Variants in RBFOX1 observed in about 807,000 individuals in gnomAD.
RBFOX1 encodes RNA binding protein fox-1 homolog 1.
A neutral mutation model predicts 57.7 loss-of-function variants in RBFOX1; 8 were observed. The ratio of observed to expected loss-of-function variants is 0.14; its 90% confidence interval spans 0.08 to 0.25. RBFOX1 has a LOEUF of 0.25. Ranked by LOEUF, RBFOX1 falls within the 10% of genes least tolerant of loss-of-function variation. RBFOX1 has a pLI of 1.00. For synonymous variants in RBFOX1, 326 were observed against 222.4 expected (o/e 1.47, Z -4.15); for missense variants, 611 against 548.5 (o/e 1.11, Z -1.14).
chr16:7,445,884 A>G (rs535339566), intron 4 of RBFOX1, among the ~76,000 whole-genome samples: 4 of 152,264 alleles, frequency 2.6e-5, no homozygotes, highest in African/African-American at 4.8e-5. Flanking sequence ...AATGCTCTCA[A>G]TTGGATGGTG....
intron 4 of RBFOX1, among the ~76,000 whole-genome samples, chr16:7,432,666 T>A (rs2098691508): frequency 6.6e-6 from 1 of 152,224 alleles, no homozygotes; most frequent in African/African-American, 2.4e-5. Context: ...TGTGTTCTAA[T>A]AAAACTTTAT....
At chr16:7,405,299 C>T (rs12599082) in intron 4 of RBFOX1, among the ~76,000 whole-genome samples, 3 of 152,146 alleles carry the variant, frequency 2.0e-5, no homozygotes, top group Admixed American at 1.3e-4. Flanking sequence ...TCCTGGTAGC[C>T]CCCCCGCTGC....
At chr16:6,622,878 G>A (rs1297888379) in intron 2 of RBFOX1, among the ~76,000 whole-genome samples, 2 of 152,182 alleles carry the variant, frequency 1.3e-5, no homozygotes, top group Non-Finnish European at 2.9e-5. Flanking sequence ...TCCACATGTT[G>A]TTCTGCCAAG....
intron 2 of RBFOX1, among the ~76,000 whole-genome samples, chr16:5,579,822 C>T (rs548894640): frequency 2.6e-5 from 4 of 151,372 alleles, no homozygotes; most frequent in Non-Finnish European, 4.4e-5. Flanking sequence ...TGCAGTCACT[C>T]GATCTCAGCT....
chr16:7,316,834 C>T (rs1054718195), intron 4 of RBFOX1, among the ~76,000 whole-genome samples: 1 of 151,764 alleles, frequency 6.6e-6, no homozygotes, highest in Non-Finnish European at 1.5e-5. Context: ...CTTTAAGATG[C>T]TGGAAAAACA....
chr16:6,592,275 C>A (rs937002168), intron 2 of RBFOX1, among the ~76,000 whole-genome samples: 1 of 152,172 alleles, frequency 6.6e-6, no homozygotes, highest in Admixed American at 6.5e-5. Context: ...TTGGACATTG[C>A]ATACATATTA....
intron 2 of RBFOX1, among the ~76,000 whole-genome samples, chr16:6,572,407 C>G (rs1480704370): frequency 6.6e-6 from 1 of 152,186 alleles, no homozygotes; most frequent in Non-Finnish European, 1.5e-5. Context: ...AGGATCAAAA[C>G]TATGCACATG....
chr16:7,131,190 CA>C (rs1378303284), intron 4 of RBFOX1, among the ~76,000 whole-genome samples: 3 of 151,764 alleles, frequency 2.0e-5, no homozygotes, highest in East Asian at 3.9e-4. Context: ...ACTAAAAATA[CA>C]AAAAGTTAGC....
chr16:7,068,461 T>C (rs2056626983), intron 4 of RBFOX1, among the ~76,000 whole-genome samples: 1 of 152,210 alleles, frequency 6.6e-6, no homozygotes, highest in African/African-American at 2.4e-5. Flanking sequence ...ACCTGCCTTT[T>C]GAACTTCTTC....
chr16:6,817,901 G>T (rs933895490), intron 3 of RBFOX1, among the ~76,000 whole-genome samples: 3 of 152,128 alleles, frequency 2.0e-5, no homozygotes, highest in African/African-American at 4.8e-5. Context: ...CTCATACCCT[G>T]TTCCTGGGCC....
At position 6,024,646 on chromosome 16, in the gene RBFOX1, G is replaced by A. The variant is rs541299860; in HGVS notation, c.-127+4654G>A. Among the ~76,000 whole-genome samples the A allele has an allele frequency of 5.3e-5, 8 of 152,236 alleles. No individual in the cohort carries two copies. In the South Asian group the frequency reaches 1.2e-3, roughly 24 times the overall value. ...TGGGATTACAGGTGTGCTCTGCCAC[G>A]CCTGGCTAGTGTTTGTATTTTTAGT... On this transcript the variant is annotated intron_variant, in intron 1 of 15. Transcript: ENST00000550418.
At chr16:6,941,173 A>C (rs1284366964) in intron 3 of RBFOX1, among the ~76,000 whole-genome samples, 2 of 151,184 alleles carry the variant, frequency 1.3e-5, no homozygotes, top group Admixed American at 6.6e-5. Flanking sequence ...CCATCAGCAG[A>C]CTCTCATTCC....
chr16:5,546,843 T>G (rs1295354434), intron 2 of RBFOX1, among the ~76,000 whole-genome samples: 1 of 152,294 alleles, frequency 6.6e-6, no homozygotes, highest in Middle Eastern at 3.4e-3. Flanking sequence ...GGAGAAAATG[T>G]CTGCAAACTA....
At chr16:7,426,698 C>G (rs1463630071) in intron 4 of RBFOX1, among the ~76,000 whole-genome samples, 1 of 152,172 alleles carries the variant, frequency 6.6e-6, no homozygotes, top group African/African-American at 2.4e-5. Context: ...CATATTTTAT[C>G]TGTCCTGTGG....
intron 1 of RBFOX1, among the ~76,000 whole-genome samples, chr16:5,248,607 G>C (rs1405040572): frequency 1.3e-5 from 2 of 152,196 alleles, no homozygotes; most frequent in Non-Finnish European, 2.9e-5. Context: ...GGAGCGCTTG[G>C]GGGGTGGTCT....
chr16:5,402,378 A>T (rs1222636146), intron 1 of RBFOX1, among the ~76,000 whole-genome samples: 2 of 152,100 alleles, frequency 1.3e-5, no homozygotes, highest in South Asian at 2.1e-4. Context: ...AGCCTTGTGG[A>T]TGGGTGGAGA....
intron 3 of RBFOX1, among the ~76,000 whole-genome samples, chr16:6,675,603 A>G (rs1380590003): frequency 6.6e-6 from 1 of 152,204 alleles, no homozygotes; most frequent in African/African-American, 2.4e-5. Context: ...GGTAATTTGT[A>G]AAGAAAAAGA....
At chr16:7,512,413 T>C (rs1020656864) in intron 4 of RBFOX1, among the ~76,000 whole-genome samples, 1 of 152,162 alleles carries the variant, frequency 6.6e-6, no homozygotes, top group Non-Finnish European at 1.5e-5. Context: ...AATAATTCCA[T>C]AGGAAGTACA....
chr16:6,264,947 G>T (rs745935268), intron 1 of RBFOX1, among the ~76,000 whole-genome samples: 2 of 152,200 alleles, frequency 1.3e-5, no homozygotes, highest in Non-Finnish European at 1.5e-5. Flanking sequence ...CGAGTTCTGT[G>T]TGTGGGAACC....
Sources: allele counts gnomAD v4.1 joint callset (sites outside exome capture counted in the v4.1 genomes callset), GRCh38; gene constraint gnomAD v4.1.1; transcripts MANE v1.5; gene names NCBI Gene and HGNC (gene_info 2026-07-23, HGNC 2026-07-21).